The following SPTAN1 variants were observed in gnomAD, a reference collection of about 807,000 sequenced individuals.
SPTAN1 encodes spectrin alpha, non-erythrocytic 1, also known as spectrin alpha chain, non-erythrocytic 1.
SPTAN1 carries 61 observed loss-of-function variants against 331.3 expected under a neutral mutation model. That is an observed-to-expected ratio of 0.18 (90% confidence interval 0.15 to 0.23). The LOEUF is 0.23. SPTAN1 is among the 10% of genes least tolerant of loss of function. The pLI is 1.00. For missense variants in SPTAN1, 2,043 were observed against 3,147.9 expected (o/e 0.65, Z 8.40); for synonymous variants, 1,153 against 1,173.9 (o/e 0.98, Z 0.36).
At chr9:128,623,870 G>A (rs1163671530) in intron 45 of SPTAN1, among the ~76,000 whole-genome samples, 1 of 151,592 alleles carries the variant, frequency 6.6e-6, no homozygotes, top group East Asian at 2.0e-4. Flanking sequence ...CAAATCACCT[G>A]AGGTCAGGAG....
At chr9:128,622,993 C>T (rs1408069323) in intron 45 of SPTAN1, among the ~76,000 whole-genome samples, 3 of 151,920 alleles carry the variant, frequency 2.0e-5, no homozygotes, top group African/African-American at 7.3e-5. Context: ...CCTCATGATC[C>T]GCCTGCCTCG....
At chr9:128,581,139 GT>G in intron 11 of SPTAN1, 80 bp downstream of exon 11, 1 of 1,587,276 alleles carries the variant, frequency 6.3e-7, no homozygotes. Flanking sequence ...TGCTTGTTTT[GT>G]TTTAGGACAT....
chr9:128,588,773 G>GT (rs1483020144), intron 20 of SPTAN1, 36 bp from the exon 21 acceptor site: 2 of 1,613,046 alleles, frequency 1.2e-6, no homozygotes, highest in South Asian at 1.1e-5. Flanking sequence ...GCGCGGACGT[G>GT]TTTTTACCAT....
chr9:128,590,545 A>AT lies in SPTAN1; in HGVS notation c.3007-930dup, dbSNP rs1282685436. On this transcript the variant is annotated intron_variant, in intron 21 of 56. Coordinates refer to ENST00000372739, the MANE Select transcript of SPTAN1 (RefSeq NM_001130438.3). The stretch of plus-strand genomic sequence containing the variant: ...ATAGCGAGACCTCATCTCTATTTAT[A>AT]TTAAAAAAGAAAAAAAAAAAAAAGG... Among the ~76,000 whole-genome samples the AT allele has an allele frequency of 2.1e-3, 162 of 78,462 alleles. 3 individuals carry two copies. The highest frequency in any genetic ancestry group is 3.6e-3 in the Non-Finnish European group (118 of 33,212). The allele number at this position is 78,462 out of a possible 152,430, so 51.5% of individuals were successfully genotyped here.
In SPTAN1 at chr9:128,605,157, C is replaced by T; in HGVS notation, c.3843C>T (p.Asp1281=). 6.2e-7 allele frequency: 1 copy of T among 1,613,990 alleles called. No individual in the cohort carries two copies. Among genetic ancestry groups the T allele is most frequent in the Non-Finnish European group, 8.5e-7 (1 of 1,180,016 alleles). ...LQRKHEGFER[D]LAALGDKVNS... is the part of the protein sequence containing the mutation. ...GCAAGCATGAGGGCTTCGAGAGGGA[C>T]CTTGCGGCTCTCGGTGACAAGGTGA... is the stretch of plus-strand genomic sequence containing the variant. Residue 1281 remains aspartate (D), a synonymous_variant, in exon 30 of 57, where the codon GAC becomes GAT. Transcript: ENST00000372739.
intron 28 of SPTAN1, 54 bp from the exon 29 acceptor site, chr9:128,604,272 G>A (rs928984319): frequency 8.4e-5 from 131 of 1,564,856 alleles, no homozygotes; most frequent in Non-Finnish European, 1.1e-4. Flanking sequence ...AAGTCTGACT[G>A]GGGGCATGAC....
At chr9:128,581,629 A>G (rs1031499558) in intron 11 of SPTAN1, among the ~76,000 whole-genome samples, 153 bp from the exon 12 acceptor site, 2 of 152,320 alleles carry the variant, frequency 1.3e-5, no homozygotes, top group Admixed American at 6.5e-5. Context: ...ATCCAAAAGG[A>G]CTTTAGACTT....
chr9:128,588,689 T>G (rs1853009891), intron 20 of SPTAN1, 120 bp from the exon 21 acceptor site: 2 of 1,389,330 alleles, frequency 1.4e-6, no homozygotes, highest in Non-Finnish European at 2.0e-6. Flanking sequence ...CAGTGAAGAA[T>G]TCTCATGAGT....
chr9:128,557,546 T>TC (rs1848777036), intron 1 of SPTAN1, among the ~76,000 whole-genome samples: 1 of 151,140 alleles, frequency 6.6e-6, no homozygotes, highest in Non-Finnish European at 1.5e-5. Flanking sequence ...TACCCCCCAA[T>TC]TTTTTTTATT....
intron 1 of SPTAN1, among the ~76,000 whole-genome samples, chr9:128,559,735 AT>A (rs796349434): frequency 1.4e-3 from 210 of 145,666 alleles, no homozygotes; most frequent in East Asian, 2.6e-3. Context: ...AATAATTTTG[AT>A]TTTTTTTTTT....
chr9:128,556,905 A>G (rs1446706242), intron 1 of SPTAN1, among the ~76,000 whole-genome samples: 1 of 152,212 alleles, frequency 6.6e-6, no homozygotes, highest in East Asian at 1.9e-4. Context: ...CAATTTTATG[A>G]GTGCTAATCA....
At chr9:128,586,046 G>C (rs1564232780) in intron 19 of SPTAN1, 81 bp downstream of exon 19, 1 of 1,195,124 alleles carries the variant, frequency 8.4e-7, no homozygotes, top group Admixed American at 1.8e-5. Context: ...GAGAAGTAGT[G>C]ATGCGCGGGA....
chr9:128,627,125 TTC>T lies in SPTAN1; in HGVS notation c.6577-259_6577-258del, dbSNP rs143004941. The T allele has an allele frequency of 2.8e-3, 1,649 of 598,940 alleles. 24 individuals are homozygous for T. In the African/African-American group the frequency reaches 0.028, roughly 10 times the overall value. 37.1% of individuals were successfully genotyped at this position (598,940 alleles called of 1,614,324 possible). A position where few individuals can be genotyped will look rare whatever the true frequency, so the allele number is the denominator to read the frequency against. ...ACTGTACCCAGCCAGAAGTTTCCAT[TTC>T]TGACAGTCCAGCAACTCCCTGCTTG... On this transcript the variant is annotated intron_variant, in intron 49 of 56. Coordinates refer to ENST00000372739, the MANE Select transcript of SPTAN1 (RefSeq NM_001130438.3). This position sits in a 1 kb window ranked among gnomAD's most constrained non-coding sequence, Gnocchi z 4.9.
intron 51 of SPTAN1, chr9:128,628,646 A>G: frequency 5.4e-6 from 1 of 184,144 alleles, no homozygotes; most frequent in Non-Finnish European, 1.1e-5. Context: ...CCTGCTGTGA[A>G]AGCCAGGGCT....
In SPTAN1 at chr9:128,632,200, A is replaced by C. The variant is rs756912451; in HGVS notation, c.6836A>C (p.Glu2279Ala). Reference protein sequence around the residue: ...KIEDLGAAMEEALILDNKYTE... With the variant: ...KIEDLGAAMEAALILDNKYTE... ...GAGGACCTGGGGGCCGCCATGGAGG[A>C]GGCCCTCATCCTGGACAACAAGTAC... The change falls in exon 53 of 57, where the codon GAG becomes GCG. Residue 2279 changes from glutamate to alanine, a missense_variant. Glu to Ala is a moderately radical substitution (Grantham distance 107). This residue lies in a region of SPTAN1 where 256 missense variants were observed against 376.4 expected (regional missense o/e 0.68). Coordinates refer to ENST00000372739, the MANE Select transcript of SPTAN1 (RefSeq NM_001130438.3). 1 of 1,613,476 alleles carries C rather than the reference A, an allele frequency of 6.2e-7. No individual in the cohort carries two copies. Among genetic ancestry groups the C allele is most frequent in the South Asian group, 1.1e-5 (1 of 91,084 alleles).
intron 1 of SPTAN1, among the ~76,000 whole-genome samples, chr9:128,557,013 A>G (rs1271833199): frequency 1.3e-5 from 2 of 152,226 alleles, no homozygotes; most frequent in African/African-American, 4.8e-5. Flanking sequence ...CTGGCATCCT[A>G]AGCCACGGAA....
At chr9:128,586,638 A>G (rs143602636) in intron 19 of SPTAN1, among the ~76,000 whole-genome samples, 39 of 152,074 alleles carry the variant, frequency 2.6e-4, no homozygotes, top group Non-Finnish European at 5.3e-4. Flanking sequence ...TGTACATACC[A>G]GTGCGCACAT....
At chr9:128,589,969 T>G (rs536499425) in intron 21 of SPTAN1, among the ~76,000 whole-genome samples, 1 of 152,298 alleles carries the variant, frequency 6.6e-6, no homozygotes, top group Non-Finnish European at 1.5e-5. Flanking sequence ...TTTGTCTTCT[T>G]TAGGCTAAAT....
chr9:128,568,612 T>G (rs980945529), intron 2 of SPTAN1, among the ~76,000 whole-genome samples, 160 bp from the exon 3 acceptor site: 1 of 152,028 alleles, frequency 6.6e-6, no homozygotes, highest in Non-Finnish European at 1.5e-5. Flanking sequence ...GTCAGAGTAT[T>G]TGAGGAATTG....
Sources: allele counts gnomAD v4.1 joint callset (sites outside exome capture counted in the v4.1 genomes callset), GRCh38; gene constraint gnomAD v4.1.1; regional missense constraint gnomAD v4.1.1; non-coding constraint Gnocchi (gnomAD v3.1); transcripts MANE v1.5; gene names NCBI Gene and HGNC (gene_info 2026-07-23, HGNC 2026-07-21).